The following CDH12 variants were observed in gnomAD, a reference collection of about 807,000 sequenced individuals.
The protein encoded by CDH12 is cadherin-12.
A neutral mutation model predicts 74.1 loss-of-function variants in CDH12; 41 were observed. The ratio of observed to expected loss-of-function variants is 0.55; its 90% CI spans 0.43 to 0.72. The LOEUF is 0.72. Ranked by LOEUF, CDH12 falls within the 30% of genes least tolerant of loss-of-function variation. The probability of loss-of-function intolerance (pLI) is 0.00; values close to 1 mark genes in which losing one functional copy is unlikely to be tolerated. For synonymous variants in CDH12, 399 were observed against 355.0 expected (o/e 1.12, Z -1.39); for missense variants, 945 against 977.2 (o/e 0.97, Z 0.44).
intron 6 of CDH12, among the ~76,000 whole-genome samples, chr5:21,903,374 G>A (rs1398880093): frequency 2.6e-5 from 4 of 152,194 alleles, no homozygotes; most frequent in South Asian, 2.1e-4. Context: ...TTTGAAAAAC[G>A]TACGTAAGAA....
At chr5:22,068,383 C>T (rs1364953396) in intron 5 of CDH12, among the ~76,000 whole-genome samples, 1 of 152,116 alleles carries the variant, frequency 6.6e-6, no homozygotes, top group Non-Finnish European at 1.5e-5. Flanking sequence ...AAGCAAGCAC[C>T]ATCTGAAATT....
intron 1 of CDH12, among the ~76,000 whole-genome samples, chr5:22,721,308 A>G (rs992117036): frequency 2.0e-5 from 3 of 152,242 alleles, no homozygotes; most frequent in Non-Finnish European, 4.4e-5. Flanking sequence ...GATGTGAGAC[A>G]TGAAGTCAAA....
intron 4 of CDH12, among the ~76,000 whole-genome samples, chr5:22,119,284 CGT>C (rs2150272667): frequency 8.4e-6 from 1 of 118,712 alleles, no homozygotes; most frequent in African/African-American, 3.3e-5. Context: ...TCTTCTACTT[CGT>C]TTTTTTTTTT....
intron 4 of CDH12, among the ~76,000 whole-genome samples, chr5:22,116,106 A>G (rs781082390): frequency 6.6e-6 from 1 of 152,178 alleles, no homozygotes; most frequent in Non-Finnish European, 1.5e-5. Context: ...AAAAAGGGAG[A>G]GCACCTTAGT....
chr5:21,891,846 T>C lies in CDH12; in HGVS notation c.527-37056A>G, dbSNP rs565303868. ...GGGCCAAGTTTGTGGCTAGATCAAA[T>C]CAAAACTTCAAAAGAAGGAAGGAAG... is the stretch of plus-strand genomic sequence containing the variant. On this transcript the variant is annotated intron_variant, in intron 6 of 14. Transcript: ENST00000382254. Among the ~76,000 whole-genome samples, 9 of 150,902 alleles carry C rather than the reference T, an allele frequency of 6.0e-5. No individual in the cohort carries two copies. The South Asian group carries it at 1.9e-3, about 32-fold the overall frequency.
chr5:21,780,322 G>T (rs539418064), intron 11 of CDH12, among the ~76,000 whole-genome samples: 2 of 152,128 alleles, frequency 1.3e-5, no homozygotes, highest in Admixed American at 6.6e-5. Context: ...CACTATAAAG[G>T]TTCATACTTC....
intron 4 of CDH12, among the ~76,000 whole-genome samples, chr5:22,121,029 C>A (rs1428402309): frequency 6.6e-6 from 1 of 152,100 alleles, no homozygotes; most frequent in Admixed American, 6.6e-5. Flanking sequence ...TTGAGCTTAT[C>A]TCAAAATTAT....
intron 1 of CDH12, among the ~76,000 whole-genome samples, chr5:22,561,174 T>C (rs1380981054): frequency 2.6e-5 from 4 of 152,168 alleles, no homozygotes; most frequent in Non-Finnish European, 5.9e-5. Flanking sequence ...GGTTTCAAAG[T>C]GACTTCAGTA....
rs74965569 is a variant in CDH12, at chr5:21,751,610, G to A, written c.*127C>T. On this transcript the variant is annotated 3_prime_UTR_variant, in exon 15 of 15. Transcript: ENST00000382254. ...GTAATCAAAGGAATCTTGTCCCAGA[G>A]TGTGTGTGTGTGTGTGTGTGTTTGT... is the stretch of plus-strand genomic sequence containing the variant. The A allele has an allele frequency of 4.9e-4, 140 of 283,014 alleles. No homozygotes were observed. The African/African-American group carries it at 6.0e-3, about 12-fold the overall frequency. 17.5% of individuals were successfully genotyped at this position (283,014 alleles called of 1,614,324 possible). A position where few individuals can be genotyped will look rare whatever the true frequency, so the allele number is the denominator to read the frequency against.
intron 1 of CDH12, among the ~76,000 whole-genome samples, chr5:22,562,911 C>T (rs935591833): frequency 4.8e-5 from 7 of 147,200 alleles, no homozygotes; most frequent in African/African-American, 1.5e-4. Flanking sequence ...GAAATATATG[C>T]ACATATATCA....
chr5:22,721,845 C>A (rs1561602646), intron 1 of CDH12, among the ~76,000 whole-genome samples: 1 of 152,156 alleles, frequency 6.6e-6, no homozygotes, highest in Non-Finnish European at 1.5e-5. Flanking sequence ...CTTTAGCTTA[C>A]TCTCTTTCCT....
chr5:22,438,653 G>A (rs533429125), intron 2 of CDH12, among the ~76,000 whole-genome samples: 1 of 152,012 alleles, frequency 6.6e-6, no homozygotes, highest in South Asian at 2.1e-4. Flanking sequence ...TGTGGCCAGT[G>A]GCTACTGTAC....
intron 8 of CDH12, among the ~76,000 whole-genome samples, chr5:21,837,093 C>T (rs2149979711): frequency 6.6e-6 from 1 of 152,024 alleles, no homozygotes; most frequent in South Asian, 2.1e-4. Context: ...TATAGCCTTG[C>T]TCCTTTATTT....
At chr5:21,836,301 C>T (rs921467041) in intron 8 of CDH12, among the ~76,000 whole-genome samples, 3 of 151,562 alleles carry the variant, frequency 2.0e-5, no homozygotes, top group East Asian at 1.9e-4. Context: ...AATATAAACA[C>T]GTTTGTAGAT....
chr5:22,092,748 A>G (rs1393003237), intron 4 of CDH12, among the ~76,000 whole-genome samples: 2 of 152,128 alleles, frequency 1.3e-5, no homozygotes, highest in Admixed American at 6.5e-5. Context: ...ACTCTTAGGT[A>G]TCTACCTAAG....
At chr5:22,724,365 T>C (rs989580121) in intron 1 of CDH12, among the ~76,000 whole-genome samples, 1 of 151,774 alleles carries the variant, frequency 6.6e-6, no homozygotes, top group Non-Finnish European at 1.5e-5. Flanking sequence ...CAGTATGTAG[T>C]CATTTATTCC....
At chr5:22,426,497 T>G (rs543726899) in intron 2 of CDH12, among the ~76,000 whole-genome samples, 1 of 152,084 alleles carries the variant, frequency 6.6e-6, no homozygotes, top group South Asian at 2.1e-4. Flanking sequence ...CTGGAGTAAA[T>G]AAAACACAAA....
At chr5:22,754,152 C>G (rs1395142891) in intron 1 of CDH12, among the ~76,000 whole-genome samples, 3 of 152,158 alleles carry the variant, frequency 2.0e-5, no homozygotes, top group Admixed American at 2.0e-4. Context: ...AAACAACGAA[C>G]ATCATATTAT....
At chr5:22,244,949 G>A (rs1314889682) in intron 3 of CDH12, among the ~76,000 whole-genome samples, 1 of 152,038 alleles carries the variant, frequency 6.6e-6, no homozygotes, top group Non-Finnish European at 1.5e-5. Flanking sequence ...CAGGTATCTA[G>A]AAAAGAGCAT....
Sources: gnomAD v4.1 joint callset for allele counts (sites outside exome capture counted in the v4.1 genomes callset) on GRCh38, gnomAD v4.1.1 for gene constraint, MANE v1.5 for transcripts, NCBI Gene and HGNC (gene_info 2026-07-23, HGNC 2026-07-21) for gene names.